The following SIRPD variants were observed in gnomAD, a reference collection of about 807,000 sequenced individuals.
SIRPD encodes signal-regulatory protein delta.
In SIRPD, 21 loss-of-function variants were observed where a neutral mutation model predicts 18.0. The observed-to-expected ratio is 1.17, with a 90% CI of 0.83 to 1.68. The LOEUF is 1.68. SIRPD is among the 40% of genes most tolerant of loss of function. The pLI is 0.00. For missense variants in SIRPD, 295 were observed against 238.4 expected (o/e 1.24, Z -1.56); for synonymous variants, 106 against 92.9 (o/e 1.14, Z -0.81).
At chr20:1,546,186 A>G (rs775923222) in intron 2 of SIRPD, among the ~76,000 whole-genome samples, 6 of 152,194 alleles carry the variant, frequency 3.9e-5, no homozygotes, top group Non-Finnish European at 8.8e-5. Context: ...GCCGGCAGGC[A>G]GGAATGTTTA....
intron 1 of SIRPD, among the ~76,000 whole-genome samples, chr20:1,555,899 C>T (rs2123158454): frequency 6.6e-6 from 1 of 152,300 alleles, no homozygotes; most frequent in East Asian, 1.9e-4. Context: ...GCCAGCTGGG[C>T]TGTGTTCTCA....
chr20:1,546,234 C>G (rs2090993153), intron 2 of SIRPD, among the ~76,000 whole-genome samples: 1 of 152,226 alleles, frequency 6.6e-6, no homozygotes, highest in African/African-American at 2.4e-5. Context: ...CCCCTTCCCC[C>G]CGGTGCTCTG....
chr20:1,548,853 G>A (rs6034039), intron 2 of SIRPD, among the ~76,000 whole-genome samples: 75,855 of 151,610 alleles, frequency 0.5, 21,052 homozygotes, highest in East Asian at 0.78. Flanking sequence ...TCCTTTTTCA[G>A]TCTCCGGTCC....
At chr20:1,549,451 A>C (rs374942510) in intron 2 of SIRPD, among the ~76,000 whole-genome samples, 1 of 151,420 alleles carries the variant, frequency 6.6e-6, no homozygotes, top group Admixed American at 6.6e-5. Context: ...GAAACTGGAC[A>C]TCTTAGATAA....
chr20:1,537,396 T>G (rs1568665503), intron 2 of SIRPD, 86 bp from the exon 3 acceptor site: 1 of 1,410,996 alleles, frequency 7.1e-7, no homozygotes, highest in East Asian at 2.3e-5. Flanking sequence ...TTATGACCGT[T>G]CCAGTTTCTA....
intron 3 of SIRPD, among the ~76,000 whole-genome samples, chr20:1,536,842 G>T (rs566199354): frequency 1.5e-4 from 23 of 152,176 alleles, no homozygotes; most frequent in Non-Finnish European, 2.4e-4. Flanking sequence ...AGGCCTAGGG[G>T]GTCGTGGAAC....
At chr20:1,550,129 C>T (rs1600071124) in intron 2 of SIRPD, among the ~76,000 whole-genome samples, 1 of 152,154 alleles carries the variant, frequency 6.6e-6, no homozygotes. Context: ...TACCCATAAC[C>T]TGGAAGACAA....
At position 1,537,163 on chromosome 20, in the gene SIRPD, C is replaced by T. The variant is rs767484756; in HGVS notation, c.569G>A (p.Gly190Glu). The T allele has an allele frequency of 3.7e-6, 6 of 1,613,692 alleles. No individual in the cohort carries two copies. The highest frequency in any genetic ancestry group is 1.7e-4 in the Middle Eastern group (1 of 6,060). Residue 190 changes from glycine to glutamate, a missense_variant, in exon 3 of 4, where the codon GGA becomes GAA. Transcript: ENST00000381623. ...VQPCCCLRLL[G>E]LTGLLSK ...AGGGTGGGGGCACTCACCTGTGAGT[C>T]CCAGCAGCCGGAGGCAGCAGCAGGG...
At chr20:1,557,185 G>T (rs1018121250) in intron 1 of SIRPD, among the ~76,000 whole-genome samples, 5 of 152,076 alleles carry the variant, frequency 3.3e-5, no homozygotes, top group Admixed American at 3.3e-4. Context: ...CCCAGGAGGT[G>T]GAAGTTGTAG....
intron 2 of SIRPD, among the ~76,000 whole-genome samples, chr20:1,541,057 G>A (rs2090968886): frequency 6.6e-6 from 1 of 152,120 alleles, no homozygotes; most frequent in Non-Finnish European, 1.5e-5. Context: ...ATTTGGGGTG[G>A]TTTCAAGTCT....
chr20:1,543,278 G>T (rs763604221), intron 2 of SIRPD, among the ~76,000 whole-genome samples: 5 of 152,098 alleles, frequency 3.3e-5, no homozygotes, highest in Admixed American at 2.0e-4. Context: ...TTTTGGGTTG[G>T]CAGGCTATTA....
intron 2 of SIRPD, among the ~76,000 whole-genome samples, chr20:1,545,567 T>C (rs2263661): frequency 0.99 from 150,666 of 152,326 alleles, 74,516 homozygotes; most frequent in Middle Eastern, 1. Context: ...GAACATGCTC[T>C]TTTAGCATGG....
intron 2 of SIRPD, among the ~76,000 whole-genome samples, chr20:1,550,378 C>A (rs144499057): frequency 2.6e-5 from 4 of 152,204 alleles, no homozygotes; most frequent in Non-Finnish European, 5.9e-5. Flanking sequence ...TAGGAAGAAG[C>A]TGTCTTTCCA....
In SIRPD at chr20:1,552,035, A is replaced by T. The variant is rs777907776; in HGVS notation, c.77T>A (p.Val26Asp). Reference protein sequence around the residue: ...LLYLLLELAGVTHVFHVQQTE... With the variant: ...LLYLLLELAGDTHVFHVQQTE... The stretch of plus-strand genomic sequence containing the variant: ...TTGTTGCACATGGAACACATGTGTG[A>T]CTCCTGGAAAAAAGCTGAAAATCAT... Residue 26 changes from valine to aspartate, a missense_variant, in exon 2 of 4, where the codon GTC (valine) becomes GAC (aspartate). Transcript: ENST00000381623. 6.2e-7 allele frequency: 1 copy of T among 1,608,924 alleles called. No homozygotes were observed. Among genetic ancestry groups the T allele is most frequent in the Non-Finnish European group, 8.5e-7 (1 of 1,176,610 alleles).
intron 3 of SIRPD, 150 bp downstream of exon 3, chr20:1,537,005 G>A (rs2090948451): frequency 7.4e-6 from 6 of 806,604 alleles, no homozygotes; most frequent in Non-Finnish European, 1.2e-5. Flanking sequence ...AAACTATTTA[G>A]GGAAGTGTCT....
intron 2 of SIRPD, among the ~76,000 whole-genome samples, chr20:1,541,373 T>G (rs955535822): frequency 6.6e-6 from 1 of 152,254 alleles, no homozygotes; most frequent in Non-Finnish European, 1.5e-5. Flanking sequence ...TTGATTTGCA[T>G]TTCTCAAATG....
intron 1 of SIRPD, among the ~76,000 whole-genome samples, chr20:1,555,661 C>T (rs73078718): frequency 6.6e-6 from 1 of 152,116 alleles, no homozygotes; most frequent in Admixed American, 6.5e-5. Flanking sequence ...TCAAGTTGTA[C>T]ACCTTTAAAA....
chr20:1,556,420 A>G (rs2091041672), intron 1 of SIRPD, among the ~76,000 whole-genome samples: 1 of 152,270 alleles, frequency 6.6e-6, no homozygotes. Context: ...ATATAAATGC[A>G]GTACATAAAC....
chr20:1,534,508 A>T (rs2090937375), intron 3 of SIRPD, 67 bp from the exon 4 acceptor site: 42 of 1,459,952 alleles, frequency 2.9e-5, no homozygotes, highest in Non-Finnish European at 3.9e-5. Flanking sequence ...AGCAGACACA[A>T]TTTTTAGAAT....
Sources: allele counts gnomAD v4.1 joint callset (sites outside exome capture counted in the v4.1 genomes callset), GRCh38; gene constraint gnomAD v4.1.1; transcripts MANE v1.5; gene names NCBI Gene and HGNC (gene_info 2026-07-23, HGNC 2026-07-21).